The following BOLL variants were observed in gnomAD, a reference collection of about 807,000 sequenced individuals.
BOLL encodes boule RNA binding protein.
Under a neutral mutation model 44.4 loss-of-function variants are expected in BOLL, and 23 were observed. The observed-to-expected ratio is 0.52, with a 90% CI of 0.37 to 0.73. BOLL has a LOEUF of 0.73. Among genes scored for constraint, BOLL ranks in the 30% least tolerant of loss-of-function variants. BOLL has a pLI of 0.00. For synonymous variants in BOLL, 97 were observed against 110.8 expected (o/e 0.88, Z 0.78); for missense variants, 287 against 338.3 (o/e 0.85, Z 1.19).
chr2:197,733,935 T>C (rs1226274427), intron 10 of BOLL, among the ~76,000 whole-genome samples: 4 of 152,142 alleles, frequency 2.6e-5, no homozygotes, highest in Non-Finnish European at 4.4e-5. Context: ...CCAAAAGCCA[T>C]GGCAACAAAA....
At chr2:197,758,237 G>A (rs1688604697) in intron 7 of BOLL, among the ~76,000 whole-genome samples, 1 of 152,160 alleles carries the variant, frequency 6.6e-6, no homozygotes, top group African/African-American at 2.4e-5. Context: ...CAGTCAAAAA[G>A]TAGAAACAAC....
intron 9 of BOLL, among the ~76,000 whole-genome samples, chr2:197,747,655 A>G (rs1419509470): frequency 3.3e-5 from 5 of 151,622 alleles, no homozygotes; most frequent in African/African-American, 1.2e-4. Flanking sequence ...AAGTATTGAT[A>G]GTAAATCTTA....
At position 197,727,689 on chromosome 2, in the gene BOLL, T is replaced by C. The variant is rs528296633; in HGVS notation, c.*866A>G. On this transcript the variant is annotated 3_prime_UTR_variant, in exon 11 of 11. Coordinates refer to ENST00000392296, the MANE Select transcript of BOLL (RefSeq NM_033030.6). ...AGAAAAGGTTTAAGGATTAAAGCAT[T>C]CAAAGAACAGTAATTTGGTGGAATT... 2.0e-5 allele frequency: 3 copies of C among 152,428 alleles called. No homozygotes were observed. In the East Asian group the frequency reaches 5.6e-4, roughly 29 times the overall value. The allele number at this position is 152,428 out of a possible 1,614,324, so 9.4% of individuals were successfully genotyped here. A position where few individuals can be genotyped will look rare whatever the true frequency, so the allele number is the denominator to read the frequency against.
intron 1 of BOLL, chr2:197,784,783 T>G: frequency 1.0e-6 from 1 of 987,506 alleles, no homozygotes; most frequent in Middle Eastern, 2.8e-4. Context: ...AACATCTAAG[T>G]TCATTATAAA....
At chr2:197,765,656 CTT>C (rs757254837) in intron 7 of BOLL, among the ~76,000 whole-genome samples, 1 of 151,472 alleles carries the variant, frequency 6.6e-6, no homozygotes, top group African/African-American at 2.4e-5. Context: ...TTAACTATCT[CTT>C]TTTTATTTTT....
At position 197,728,421 on chromosome 2, in the gene BOLL, G is replaced by A; in HGVS notation, c.*134C>T. On this transcript the variant is annotated 3_prime_UTR_variant, in exon 11 of 11. Transcript: ENST00000392296. ...AGACAGCTTATAGTGGAATAACTGA[G>A]TATGGTGAGGTATTAACTAACACTA... 2 of 1,358,302 alleles carry A rather than the reference G, an allele frequency of 1.5e-6. No individual in the cohort carries two copies. Among genetic ancestry groups the A allele is most frequent in the Non-Finnish European group, 2.1e-6 (2 of 963,868 alleles). 84.1% of individuals were successfully genotyped at this position (1,358,302 alleles called of 1,614,324 possible).
intron 9 of BOLL, among the ~76,000 whole-genome samples, chr2:197,753,388 C>A (rs190985836): frequency 6.6e-6 from 1 of 152,202 alleles, no homozygotes; most frequent in Non-Finnish European, 1.5e-5. Context: ...GCCATCTATC[C>A]ATCTGACAAT....
intron 7 of BOLL, among the ~76,000 whole-genome samples, chr2:197,762,050 A>G (rs1380988661): frequency 6.6e-6 from 1 of 152,192 alleles, no homozygotes; most frequent in Non-Finnish European, 1.5e-5. Flanking sequence ...GATTATCTAG[A>G]AAGAAAATAA....
intron 1 of BOLL, among the ~76,000 whole-genome samples, chr2:197,783,424 C>G (rs1380386276): frequency 6.6e-6 from 1 of 152,214 alleles, no homozygotes; most frequent in East Asian, 1.9e-4. Flanking sequence ...TCTTTCTTCT[C>G]TGGCCAATAC....
intron 5 of BOLL, 127 bp downstream of exon 5, chr2:197,775,538 A>G (rs1265285500): frequency 1.1e-5 from 7 of 650,638 alleles, no homozygotes; most frequent in African/African-American, 1.9e-5. Context: ...TTTTCCACCA[A>G]CTTTGCTAAA....
rs149053508 is a variant in BOLL at position 197,766,563 on chromosome 2, G to C, written c.521C>G (p.Pro174Arg). 6.2e-7 allele frequency: 1 copy of C among 1,612,278 alleles called. No homozygotes were observed. Reference protein sequence around the residue: ...VCSSPVMVAQPIYQQPAYHYQ... With the variant: ...VCSSPVMVAQRIYQQPAYHYQ... ...GTGATATGCAGGTTGCTGATAAATG[G>C]GCTGAGCTACCATCACAGGGGAGCT... The change falls in exon 7 of 11, where the codon CCC (proline) becomes CGC (arginine). Residue 174 changes from proline (P) to arginine (R), a missense_variant. By Grantham distance (103) the Pro-to-Arg change is moderately radical. Transcript: ENST00000392296.
At chr2:197,781,952 A>G in intron 1 of BOLL, 87 bp from the exon 2 acceptor site, 1 of 1,259,956 alleles carries the variant, frequency 7.9e-7, no homozygotes, top group Non-Finnish European at 1.1e-6. Context: ...ATTTTTCAAA[A>G]AGAAGAGTCA....
intron 1 of BOLL, among the ~76,000 whole-genome samples, chr2:197,782,564 ACTTC>A (rs1416198170): frequency 6.6e-6 from 1 of 152,184 alleles, no homozygotes; most frequent in Non-Finnish European, 1.5e-5. Context: ...GTAAAGCCCT[ACTTC>A]CTTAAACCCT....
chr2:197,771,427 C>G (rs1039743595), intron 6 of BOLL, among the ~76,000 whole-genome samples: 36 of 152,026 alleles, frequency 2.4e-4, no homozygotes, highest in African/African-American at 8.2e-4. Context: ...AGCACACCAA[C>G]ATGGCACATG....
chr2:197,742,990 G>C (rs1342722521), intron 10 of BOLL, 71 bp downstream of exon 10: 6 of 1,225,064 alleles, frequency 4.9e-6, no homozygotes, highest in Non-Finnish European at 6.7e-6. Context: ...TTCCTTTCTA[G>C]AAGAGAAAGT....
intron 9 of BOLL, among the ~76,000 whole-genome samples, chr2:197,749,917 G>C (rs1221704164): frequency 6.7e-6 from 1 of 150,090 alleles, no homozygotes; most frequent in Non-Finnish European, 1.5e-5. Context: ...GAAGAGTTTG[G>C]TGGGAAGCCC....
intron 3 of BOLL, among the ~76,000 whole-genome samples, chr2:197,778,517 C>A (rs958504904): frequency 6.6e-6 from 1 of 151,764 alleles, no homozygotes; most frequent in African/African-American, 2.4e-5. Context: ...AATTAAAAAT[C>A]ATTCTCACTA....
chr2:197,738,943 G>T (rs935083046), intron 10 of BOLL, among the ~76,000 whole-genome samples: 4 of 152,046 alleles, frequency 2.6e-5, no homozygotes, highest in African/African-American at 9.7e-5. Context: ...TGTTATAATA[G>T]AAATGCACTG....
chr2:197,780,522 T>C (rs1418712567), intron 2 of BOLL, among the ~76,000 whole-genome samples: 1 of 152,032 alleles, frequency 6.6e-6, no homozygotes, highest in Admixed American at 6.6e-5. Flanking sequence ...AATTCCCAAA[T>C]TGAACATTTC....
Sources: gnomAD v4.1 joint callset for allele counts (sites outside exome capture counted in the v4.1 genomes callset) on GRCh38, gnomAD v4.1.1 for gene constraint, MANE v1.5 for transcripts, NCBI Gene and HGNC (gene_info 2026-07-23, HGNC 2026-07-21) for gene names.